MGAT5: variants seen among roughly 807,000 people sequenced by gnomAD.
The protein encoded by MGAT5 is alpha-1,6-mannosylglycoprotein 6-beta-N-acetylglucosaminyltransferase A.
In MGAT5, 30 loss-of-function variants were observed where a neutral mutation model predicts 94.3. That is an observed-to-expected ratio of 0.32 (90% confidence interval 0.24 to 0.43). MGAT5 has a LOEUF of 0.43. MGAT5 is among the 20% of genes least tolerant of loss of function. MGAT5 has a pLI of 1.00. For synonymous variants in MGAT5, 310 were observed against 322.9 expected, an observed-to-expected ratio of 0.96 and a Z score of 0.43; for missense variants, 691 against 905.5, an observed-to-expected ratio of 0.76 and a Z score of 3.04.
intron 12 of MGAT5, among the ~76,000 whole-genome samples, chr2:134,413,732 AGTT>A (rs1228066755): frequency 6.6e-6 from 1 of 152,216 alleles, no homozygotes; most frequent in African/African-American, 2.4e-5. Context: ...ATTTCTATGT[AGTT>A]AGTAGTAAGT....
At chr2:134,397,866 C>T (rs1246595293) in intron 10 of MGAT5, among the ~76,000 whole-genome samples, 1 of 152,214 alleles carries the variant, frequency 6.6e-6, no homozygotes, top group Non-Finnish European at 1.5e-5. Flanking sequence ...TCATTCTGTG[C>T]AGTTGACAGC....
intron 14 of MGAT5, among the ~76,000 whole-genome samples, chr2:134,435,719 T>C (rs1340568278): frequency 1.3e-5 from 2 of 152,176 alleles, no homozygotes; most frequent in African/African-American, 4.8e-5. Context: ...ACGGAGGAGG[T>C]AAGAGTCCAC....
chr2:134,290,935 G>A (rs184639539), intron 2 of MGAT5, among the ~76,000 whole-genome samples: 31 of 152,276 alleles, frequency 2.0e-4, no homozygotes, highest in African/African-American at 6.3e-4. Context: ...TGCTTATTGC[G>A]TGTCTTCTAG....
intron 14 of MGAT5, among the ~76,000 whole-genome samples, chr2:134,436,224 C>T (rs910049509): frequency 1.3e-5 from 2 of 152,128 alleles, no homozygotes; most frequent in African/African-American, 4.8e-5. Flanking sequence ...CTATGAAGTC[C>T]CACAGCTGGG....
At position 134,189,602 on chromosome 2, in the gene MGAT5, G is replaced by GTTTTTTTTTTGTTTTTT. The variant is rs1689241661; in HGVS notation, c.-142-64650_-142-64649insGTTTTTTTTTTTTTTTT. ...AACCTCATGGCTCTAGTTTTTTTTT[G>GTTTTTTTTTTGTTTTTT]TTTTTTTTTTTTTTTTTTAAGACAG... On this transcript the variant is annotated intron_variant, in intron 1 of 16. Transcript: ENST00000409645. 7.1e-5 allele frequency among the ~76,000 whole-genome samples: 6 copies of GTTTTTTTTTTGTTTTTT among 84,674 alleles called. 1 individual carries two copies. The highest frequency in any genetic ancestry group is 1.1e-4 in the Non-Finnish European group (5 of 43,582). The allele number at this position is 84,674 out of a possible 152,430, so 55.5% of individuals were successfully genotyped here.
intron 1 of MGAT5, among the ~76,000 whole-genome samples, chr2:134,141,060 A>G (rs961779881): frequency 5.9e-5 from 9 of 152,214 alleles, no homozygotes; most frequent in African/African-American, 1.2e-4. Context: ...TGATGAAGAG[A>G]TAATGCTGTT....
At chr2:134,318,561 C>T in intron 3 of MGAT5, 89 bp from the exon 4 acceptor site, 5 of 962,178 alleles carry the variant, frequency 5.2e-6, no homozygotes, top group Non-Finnish European at 8.3e-6. Flanking sequence ...GCCATTCACT[C>T]CATCTTCACC....
At chr2:134,251,248 G>C (rs76732791), upstream of MGAT5, among the ~76,000 whole-genome samples, 1 of 151,104 alleles carries the variant, frequency 6.6e-6, no homozygotes, top group Non-Finnish European at 1.5e-5. Context: ...CACCTAGTTC[G>C]TAATGTGGCT....
At chr2:134,373,960 T>C (rs1409958541) in intron 10 of MGAT5, among the ~76,000 whole-genome samples, 1 of 152,180 alleles carries the variant, frequency 6.6e-6, no homozygotes, top group Non-Finnish European at 1.5e-5. Flanking sequence ...ACACCAAAAA[T>C]AGGATGCCTT....
intron 5 of MGAT5, among the ~76,000 whole-genome samples, chr2:134,337,410 A>G (rs895485573): frequency 6.6e-6 from 1 of 152,112 alleles, no homozygotes; most frequent in African/African-American, 2.4e-5. Context: ...CGCAAGTTCA[A>G]GGCTCCAGTG....
intron 1 of MGAT5, among the ~76,000 whole-genome samples, chr2:134,178,515 G>A (rs1308217896): frequency 1.3e-5 from 2 of 152,136 alleles, no homozygotes; most frequent in African/African-American, 2.4e-5. Flanking sequence ...AGCTTCTGAT[G>A]GTACCTCCCA....
intron 1 of MGAT5, among the ~76,000 whole-genome samples, chr2:134,120,904 G>C (rs1685545005): frequency 6.6e-6 from 1 of 151,866 alleles, no homozygotes; most frequent in Non-Finnish European, 1.5e-5. Flanking sequence ...GTTAGGGGAC[G>C]GCCCGCGGGT....
intron 10 of MGAT5, among the ~76,000 whole-genome samples, chr2:134,363,177 A>G (rs1680210533): frequency 6.6e-6 from 1 of 152,198 alleles, no homozygotes; most frequent in Admixed American, 6.5e-5. Flanking sequence ...GGATCTCACA[A>G]CATGCCTCTT....
In MGAT5 at chr2:134,449,120, G is replaced by C. The variant is rs1255606839; in HGVS notation, c.*273G>C. 2.0e-6 allele frequency: 1 copy of C among 488,812 alleles called. No individual in the cohort carries two copies. The highest frequency in any genetic ancestry group is 3.7e-6 in the Non-Finnish European group (1 of 269,780). 30.3% of individuals were successfully genotyped at this position (488,812 alleles called of 1,614,324 possible). ...CTCAAGGAGCAACTGTGGGAAGACT[G>C]TCACTGCAGCTGCTCCAGGGCAAAA... On this transcript the variant is annotated 3_prime_UTR_variant, in exon 16 of 16. Transcript: ENST00000281923.
intron 1 of MGAT5, among the ~76,000 whole-genome samples, chr2:134,223,764 T>C (rs1230966992): frequency 3.3e-5 from 5 of 152,110 alleles, no homozygotes; most frequent in African/African-American, 7.2e-5. Context: ...TGAATACTTA[T>C]ATAAAATGCA....
intron 12 of MGAT5, among the ~76,000 whole-genome samples, chr2:134,422,181 T>G (rs1684340005): frequency 6.6e-6 from 1 of 152,114 alleles, no homozygotes; most frequent in Non-Finnish European, 1.5e-5. Flanking sequence ...AATGGACACT[T>G]CATGAATTCA....
intron 15 of MGAT5, among the ~76,000 whole-genome samples, chr2:134,445,006 C>G (rs1685693572): frequency 6.6e-6 from 1 of 152,164 alleles, no homozygotes; most frequent in South Asian, 2.1e-4. Context: ...GAGAGGACCT[C>G]AGTTCCATAC....
chr2:134,215,156 C>G (rs1680414104), intron 1 of MGAT5, among the ~76,000 whole-genome samples: 1 of 152,158 alleles, frequency 6.6e-6, no homozygotes, highest in Admixed American at 6.5e-5. Context: ...ATTTATTGAT[C>G]CACCCATTCT....
chr2:134,350,221 A>C (rs1679292680), intron 9 of MGAT5, among the ~76,000 whole-genome samples: 1 of 152,224 alleles, frequency 6.6e-6, no homozygotes, highest in Admixed American at 6.5e-5. Flanking sequence ...AGGACTTTGC[A>C]GTTACTTTAG....
Sources: allele counts gnomAD v4.1 joint callset (sites outside exome capture counted in the v4.1 genomes callset), GRCh38; gene constraint gnomAD v4.1.1; transcripts MANE v1.5; gene names NCBI Gene and HGNC (gene_info 2026-07-23, HGNC 2026-07-21).